COL6A3: variants seen among roughly 807,000 people sequenced by gnomAD.
COL6A3 encodes collagen type VI alpha 3 chain, also known as collagen alpha-3(VI) chain.
COL6A3 carries 137 observed loss-of-function variants against 274.1 expected under a neutral mutation model. That is an observed-to-expected ratio of 0.50 (90% CI 0.44 to 0.58). The LOEUF is 0.58. Among genes scored for constraint, COL6A3 ranks in the 20% least tolerant of loss-of-function variants. The pLI is 0.00. For synonymous variants in COL6A3, 1,650 were observed against 1,650.6 expected, an observed-to-expected ratio of 1.00 and a Z score of 0.01; for missense variants, 3,950 against 4,124.9, an observed-to-expected ratio of 0.96 and a Z score of 1.16.
Position 237,344,291 on chromosome 2 carries a change from G to T in COL6A3, c.7668+59C>A. 2 of 1,613,060 alleles carry T rather than the reference G, an allele frequency of 1.2e-6. No homozygotes were observed. Among genetic ancestry groups the T allele is most frequent in the South Asian group, 1.1e-5 (1 of 90,844 alleles). The stretch of plus-strand genomic sequence containing the variant: ...CACAAAGGAGCATGGACGTGTCTGA[G>T]AACCTTCTCAGAGCCCCAGAAGAAA... On this transcript the variant is annotated intron_variant, in intron 36 of 43. Coordinates refer to ENST00000295550, the MANE Select transcript of COL6A3 (RefSeq NM_004369.4). This position sits in a 1 kb window ranked among gnomAD's most constrained non-coding sequence, Gnocchi z 4.8.
At chr2:237,357,942 G>T (rs905887392) in intron 21 of COL6A3, 60 bp from the exon 22 acceptor site, 4 of 1,478,486 alleles carry the variant, frequency 2.7e-6, no homozygotes, top group Middle Eastern at 1.7e-4. Flanking sequence ...GCTGCCACTG[G>T]ACTGGATGGT....
In COL6A3 at chr2:237,381,025, G is replaced by A; in HGVS notation, c.1787C>T (p.Ala596Val). 1.2e-6 allele frequency: 2 copies of A among 1,614,226 alleles called. No homozygotes were observed. Among genetic ancestry groups the A allele is most frequent in the Non-Finnish European group, 1.7e-6 (2 of 1,180,034 alleles). ...GADQAELEEI[A>V]FDSSLVFIPA... The stretch of plus-strand genomic sequence containing the variant: ...GATGAACACCAGGGAGGAGTCGAAA[G>A]CGATCTCTTCCAGCTCAGCCTGATC... Residue 596 changes from alanine to valine, a missense_variant, in exon 5 of 44, where the codon GCT (alanine) becomes GTT (valine). Ala to Val is a moderately conservative substitution (Grantham distance 64, BLOSUM62 0). Transcript: ENST00000295550.
intron 42 of COL6A3, chr2:237,325,955 C>T (rs992896913): frequency 6.9e-6 from 3 of 434,992 alleles, no homozygotes; most frequent in Admixed American, 3.9e-5. Flanking sequence ...AATGAAAGGG[C>T]TTCATAAACA....
chr2:237,346,634 G>A, intron 31 of COL6A3, 69 bp from the exon 32 acceptor site: 1 of 1,423,104 alleles, frequency 7.0e-7, no homozygotes, highest in Non-Finnish European at 9.9e-7. Context: ...CCTATAGTTG[G>A]AAGGTACGGT....
Position 237,361,258 on chromosome 2 carries a change from T to G in COL6A3, c.6157-84A>C, listed in dbSNP as rs1371172181. Reference sequence around the variant, plus strand: ...AGAATCCCTGTGGTCCCCCTTCATTTGGCAGAGCAGCACTAAAACTCAGCA... The same window carrying G: ...AGAATCCCTGTGGTCCCCCTTCATTGGGCAGAGCAGCACTAAAACTCAGCA... On this transcript the variant is annotated intron_variant, in intron 15 of 43. Coordinates refer to ENST00000295550, the MANE Select transcript of COL6A3 (RefSeq NM_004369.4). This position sits in a 1 kb window ranked among gnomAD's most constrained non-coding sequence, Gnocchi z 5.1. 1.6e-6 allele frequency: 2 copies of G among 1,271,546 alleles called. No homozygotes were observed. The highest frequency in any genetic ancestry group is 4.7e-5 in the East Asian group (2 of 42,920). The allele number at this position is 1,271,546 out of a possible 1,614,324, so 78.8% of individuals were successfully genotyped here.
chr2:237,325,457 T>A (rs1444259593), intron 43 of COL6A3, 103 bp downstream of exon 43: 2 of 1,261,178 alleles, frequency 1.6e-6, no homozygotes, highest in Non-Finnish European at 2.3e-6. Flanking sequence ...ATCTTCTTTT[T>A]CACATGTATC....
At position 237,395,033 on chromosome 2, in the gene COL6A3, T is replaced by A. The variant is rs763661502; in HGVS notation, c.263A>T (p.His88Leu). 1.2e-6 allele frequency: 2 copies of A among 1,614,228 alleles called. No homozygotes were observed. Among genetic ancestry groups the A allele is most frequent in the Non-Finnish European group, 1.7e-6 (2 of 1,180,044 alleles). Residue 88 changes from histidine to leucine, a missense_variant, in exon 3 of 44, where the codon CAT (histidine) becomes CTT (leucine). By Grantham distance (99) the His-to-Leu change is moderately conservative. Around this residue, in one of 5 missense-constraint regions of COL6A3, gnomAD observed 1,934 missense variants for 1,984.3 expected, o/e 0.97. Coordinates refer to ENST00000295550, the MANE Select transcript of COL6A3 (RefSeq NM_004369.4). ...FALVQFNGNP[H>L]TEFLLNTYRT... ...ATACGTATTTAACAGGAACTCGGTA[T>A]GTGGGTTTCCGTTGAACTGGACCAG...
intron 39 of COL6A3, among the ~76,000 whole-genome samples, chr2:237,337,620 C>T (rs1007100541): frequency 1.3e-5 from 2 of 152,222 alleles, no homozygotes; most frequent in Non-Finnish European, 2.9e-5. Flanking sequence ...CATCTGTGTA[C>T]GAAGTTCAGA....
intron 1 of COL6A3, among the ~76,000 whole-genome samples, chr2:237,402,229 G>C (rs570870029): frequency 2.0e-4 from 31 of 152,220 alleles, no homozygotes; most frequent in Non-Finnish European, 3.5e-4. Flanking sequence ...CTGTCAGGAG[G>C]GAGGCAGTTG....
intron 42 of COL6A3, among the ~76,000 whole-genome samples, chr2:237,332,047 C>G (rs1249213906): frequency 8.7e-6 from 1 of 114,530 alleles, no homozygotes; most frequent in Admixed American, 9.2e-5. Flanking sequence ...AACTCTCTCC[C>G]CCCATCTCTC....
At chr2:237,332,117 A>ATATATATATATATGTG (rs35490728) in intron 42 of COL6A3, among the ~76,000 whole-genome samples, 3 of 64,206 alleles carry the variant, frequency 4.7e-5, no homozygotes, top group African/African-American at 1.4e-4. Flanking sequence ...ATATATATAT[A>ATATATATATATATGTG]TGAAAAGAAA....
chr2:237,396,788 C>A lies in COL6A3; in HGVS notation c.30G>T (p.Val10=). The A allele has an allele frequency of 6.2e-7, 1 of 1,614,176 alleles. No homozygotes were observed. The highest frequency in any genetic ancestry group is 8.5e-7 in the Non-Finnish European group (1 of 1,180,034). The change falls in exon 2 of 44, where the codon GTG becomes GTT. Residue 10 remains valine (V), a synonymous_variant. Coordinates refer to ENST00000295550, the MANE Select transcript of COL6A3 (RefSeq NM_004369.4). The part of the protein sequence containing the change: MRKHRHLPL[V]AVFCLFLSGF... ...CTGAGAGAAAGAGGCAAAAGACGGC[C>A]ACTAAGGGCAAGTGCCGATGTTTCC...
At chr2:237,330,833 C>T (rs575238522) in intron 42 of COL6A3, among the ~76,000 whole-genome samples, 2 of 152,206 alleles carry the variant, frequency 1.3e-5, no homozygotes, top group Non-Finnish European at 2.9e-5. Context: ...TCTCCTCTTC[C>T]CCTGCCTTAG....
rs1156610137 is a variant in COL6A3 at position 237,394,962 on chromosome 2, T to A, written c.334A>T (p.Ile112Phe). 1 of 1,614,044 alleles carries A rather than the reference T, an allele frequency of 6.2e-7. No individual in the cohort carries two copies. The highest frequency in any genetic ancestry group is 1.3e-5 in the African/African-American group (1 of 74,928). The change falls in exon 3 of 44, where the codon ATT (isoleucine) becomes TTT (phenylalanine). Residue 112 changes from isoleucine (I) to phenylalanine (F), a missense_variant. Physicochemically the swap from Ile to Phe is conservative, Grantham distance 21. Coordinates refer to ENST00000295550, the MANE Select transcript of COL6A3 (RefSeq NM_004369.4). ...TTTCCAGTCTGATTGGTTCCCCCAA[T>A]ATAAGACATGTTGGAAATATGAGAA... ...VLSHISNMSY[I>F]GGTNQTGKGL...
At chr2:237,380,489 C>T (rs538030765) in intron 5 of COL6A3, among the ~76,000 whole-genome samples, 18 of 152,248 alleles carry the variant, frequency 1.2e-4, no homozygotes, top group Non-Finnish European at 2.4e-4. Context: ...GACACTGTGC[C>T]CTAAACAGCT....
intron 4 of COL6A3, among the ~76,000 whole-genome samples, chr2:237,382,679 A>G (rs995756830): frequency 7.2e-5 from 11 of 152,262 alleles, no homozygotes; most frequent in African/African-American, 2.4e-4. Context: ...TCCATCAGAT[A>G]GATTGCATGG....
In COL6A3 at chr2:237,413,839, G is replaced by A. The variant is rs1388458184; in HGVS notation, c.-31+114C>T. 6.6e-6 allele frequency: 1 copy of A among 152,136 alleles called. No homozygotes were observed. Among genetic ancestry groups the A allele is most frequent in the Non-Finnish European group, 1.5e-5 (1 of 68,036 alleles). The allele number at this position is 152,136 out of a possible 1,614,324, so 9.4% of individuals were successfully genotyped here. ...AGACCTAAAACATGTACAGAAAACT[G>A]GCGATCAGCATGAACGTAAGAGCCA... On this transcript the variant is annotated intron_variant, in intron 1 of 43. Transcript: ENST00000295550. The surrounding 1 kb of genome is among the most constrained non-coding windows in gnomAD (Gnocchi z 4.0).
At chr2:237,340,346 A>T in intron 38 of COL6A3, 106 bp downstream of exon 38, 3 of 1,063,790 alleles carry the variant, frequency 2.8e-6, no homozygotes, top group Non-Finnish European at 4.2e-6. Context: ...TGAATGAAAC[A>T]GTTCCTGTCA....
rs1329440204 is a variant in COL6A3, at chr2:237,407,123, G to A, written c.-31+6830C>T. ...GACAATATCTCACTATATTGCCCAG[G>A]CTGGTCTCAAACTCTTGGGCTCAAG... On this transcript the variant is annotated intron_variant, in intron 1 of 43. Transcript: ENST00000295550. This position sits in a 1 kb window ranked among gnomAD's most constrained non-coding sequence, Gnocchi z 4.3. Among the ~76,000 whole-genome samples, 1 of 151,902 alleles carries A rather than the reference G, an allele frequency of 6.6e-6. No individual in the cohort carries two copies. The highest frequency in any genetic ancestry group is 1.5e-5 in the Non-Finnish European group (1 of 67,986).
Sources: gnomAD v4.1 joint callset for allele counts (sites outside exome capture counted in the v4.1 genomes callset) on GRCh38, gnomAD v4.1.1 for gene constraint, gnomAD v4.1.1 regional missense constraint, Gnocchi (gnomAD v3.1) non-coding constraint, MANE v1.5 for transcripts, NCBI Gene and HGNC (gene_info 2026-07-23, HGNC 2026-07-21) for gene names.